GMCL1: variants seen among roughly 807,000 people sequenced by gnomAD.
GMCL1 encodes germ cell-less protein-like 1.
In GMCL1, 54 loss-of-function variants were observed where a neutral mutation model predicts 75.5. The ratio of observed to expected loss-of-function variants is 0.71; its 90% CI spans 0.57 to 0.90. GMCL1 has a LOEUF of 0.90. GMCL1 is among the 40% of genes least tolerant of loss of function. The probability of loss-of-function intolerance (pLI) is 0.00; values close to 1 mark genes in which losing one functional copy is unlikely to be tolerated. For synonymous variants in GMCL1, 210 were observed against 209.6 expected (o/e 1.00, Z -0.02); for missense variants, 537 against 622.7 (o/e 0.86, Z 1.47).
At chr2:69,859,041 G>C (rs1399056476) in intron 9 of GMCL1, among the ~76,000 whole-genome samples, 1 of 151,466 alleles carries the variant, frequency 6.6e-6, no homozygotes, top group African/African-American at 2.4e-5. Flanking sequence ...AGCTACTCGG[G>C]AGGCTGAGGC....
At chr2:69,865,045 T>C (rs1379265868) in intron 11 of GMCL1, 70 bp downstream of exon 11, 4 of 1,144,780 alleles carry the variant, frequency 3.5e-6, no homozygotes, top group African/African-American at 3.1e-5. Flanking sequence ...CACCTGTAAG[T>C]AGTAATCATG....
intron 12 of GMCL1, among the ~76,000 whole-genome samples, chr2:69,871,266 A>T (rs1215152716): frequency 6.6e-6 from 1 of 152,212 alleles, no homozygotes; most frequent in East Asian, 1.9e-4. Context: ...TAAGCCACTC[A>T]CAAAGCACAA....
At chr2:69,852,606 T>A (rs1675351192) in intron 8 of GMCL1, among the ~76,000 whole-genome samples, 1 of 152,036 alleles carries the variant, frequency 6.6e-6, no homozygotes, top group Non-Finnish European at 1.5e-5. Flanking sequence ...TGGTGCGATC[T>A]TGGCTCAGTG....
intron 1 of GMCL1, among the ~76,000 whole-genome samples, chr2:69,832,421 T>A (rs79478340): frequency 6.6e-6 from 1 of 152,168 alleles, no homozygotes; most frequent in Non-Finnish European, 1.5e-5. Flanking sequence ...TAACAAAATG[T>A]TCATCCTTCT....
intron 13 of GMCL1, 31 bp from the exon 14 acceptor site, chr2:69,878,878 T>C: frequency 1.4e-6 from 2 of 1,445,770 alleles, no homozygotes; most frequent in Non-Finnish European, 1.9e-6. Flanking sequence ...TTTTATCTAA[T>C]TGTCATTGAA....
chr2:69,865,385 C>T (rs921600477), intron 11 of GMCL1, among the ~76,000 whole-genome samples: 4 of 152,120 alleles, frequency 2.6e-5, no homozygotes, highest in Non-Finnish European at 5.9e-5. Flanking sequence ...CGGTGGCTCA[C>T]GCCTATAATC....
intron 2 of GMCL1, among the ~76,000 whole-genome samples, chr2:69,838,394 G>A (rs1287009050): frequency 7.6e-6 from 1 of 131,678 alleles, no homozygotes; most frequent in Non-Finnish European, 1.6e-5. Flanking sequence ...ATACAATGTT[G>A]CTCTAATGGC....
chr2:69,855,860 C>T (rs1272575714), intron 9 of GMCL1, among the ~76,000 whole-genome samples: 1 of 152,126 alleles, frequency 6.6e-6, no homozygotes, highest in Non-Finnish European at 1.5e-5. Flanking sequence ...ATGCCAAAGC[C>T]AATTACATAT....
chr2:69,836,644 T>G (rs1026003899), intron 1 of GMCL1, among the ~76,000 whole-genome samples: 1 of 152,206 alleles, frequency 6.6e-6, no homozygotes, highest in African/African-American at 2.4e-5. Flanking sequence ...GATTGAAGGT[T>G]TTATGTGCTA....
chr2:69,838,336 C>CAAAAA lies in GMCL1; in HGVS notation c.384+690_384+694dup, dbSNP rs71397366. 2.3e-3 allele frequency among the ~76,000 whole-genome samples: 74 copies of CAAAAA among 31,512 alleles called. 8 individuals are homozygous for CAAAAA. Among genetic ancestry groups the CAAAAA allele is most frequent in the African/African-American group, 7.1e-3 (67 of 9,430 alleles). The allele number at this position is 31,512 out of a possible 152,430, so 20.7% of individuals were successfully genotyped here. ...TGGGCAACAGAGCGAGACTCTGTCT[C>CAAAAA]AAAAAAAAAAAAAAAAAAAAAAAAA... On this transcript the variant is annotated intron_variant, in intron 2 of 13. Coordinates refer to ENST00000282570, the MANE Select transcript of GMCL1 (RefSeq NM_178439.5).
At chr2:69,854,493 G>C (rs912400306) in intron 8 of GMCL1, among the ~76,000 whole-genome samples, 2 of 152,114 alleles carry the variant, frequency 1.3e-5, no homozygotes, top group Admixed American at 1.3e-4. Context: ...GGTCTTGGGA[G>C]GGGGATTCTG....
At chr2:69,839,620 G>A in intron 3 of GMCL1, 67 bp downstream of exon 3, 8 of 1,044,178 alleles carry the variant, frequency 7.7e-6, no homozygotes, top group Non-Finnish European at 1.2e-5. Context: ...TCTGGTAGAA[G>A]ATAAATAATT....
In GMCL1 at chr2:69,843,392, TA is replaced by T. The variant is rs745817499; in HGVS notation, c.692+134del. ...ATAGGATAGGGGGATGGAATTTTAT[TA>T]AATAAAAAGCCCCTTTTAACTTTTG... On this transcript the variant is annotated intron_variant, in intron 5 of 13. Transcript: ENST00000282570. The T allele has an allele frequency of 8.3e-4, 461 of 558,362 alleles. 1 individual carries two copies. The highest frequency in any genetic ancestry group is 6.4e-4 in the Admixed American group (20 of 31,118). 34.6% of individuals were successfully genotyped at this position (558,362 alleles called of 1,614,324 possible).
intron 9 of GMCL1, among the ~76,000 whole-genome samples, chr2:69,860,805 A>G (rs1027196805): frequency 6.6e-6 from 1 of 152,200 alleles, no homozygotes; most frequent in Admixed American, 6.5e-5. Flanking sequence ...TTTGTAAAAT[A>G]TAAGCTACCT....
chr2:69,874,408 G>C (rs548655377), intron 13 of GMCL1, among the ~76,000 whole-genome samples: 7 of 152,112 alleles, frequency 4.6e-5, no homozygotes, highest in Non-Finnish European at 1.0e-4. Flanking sequence ...CTGTCGCCCA[G>C]GCTGGAGTGC....
Position 69,849,658 on chromosome 2 carries a change from T to C in GMCL1, c.850T>C (p.Phe284Leu), listed in dbSNP as rs746642884. 3.2e-6 allele frequency: 5 copies of C among 1,547,420 alleles called. No homozygotes were observed. In the Admixed American group the frequency reaches 7.8e-5, roughly 24 times the overall value. ...DIYTALKKWMFLQLVPSWNGS... is the reference protein window; with the variant it reads ...DIYTALKKWMLLQLVPSWNGS... ...TTAATTTTTTTTAACTTAGTGGATG[T>C]TCCTTCAACTTGTGCCTTCTTGGAA... Residue 284 changes from phenylalanine to leucine, a missense_variant, in exon 8 of 14, where the codon TTC becomes CTC. By Grantham distance (22) the Phe-to-Leu change is conservative (BLOSUM62 0). Coordinates refer to ENST00000282570, the MANE Select transcript of GMCL1 (RefSeq NM_178439.5).
In GMCL1 at chr2:69,859,742, T is replaced by TAAAAAAAAAAAAAAAAAAAAAAAAAAA. The variant is rs1207817401; in HGVS notation, c.1073-1520_1073-1519insAAAAAAAAAAAAAAAAAAAAAAAAAAA. ...GAGTGAGACCGTGTCTCTCTCTCTC[T>TAAAAAAAAAAAAAAAAAAAAAAAAAAA]AAAAAAAAAAAAAAAAGTATATATG... is the stretch of plus-strand genomic sequence containing the variant. On this transcript the variant is annotated intron_variant, in intron 9 of 13. Transcript: ENST00000282570. 6.3e-5 allele frequency among the ~76,000 whole-genome samples: 5 copies of TAAAAAAAAAAAAAAAAAAAAAAAAAAA among 79,096 alleles called. 1 individual carries two copies. Among genetic ancestry groups the TAAAAAAAAAAAAAAAAAAAAAAAAAAA allele is most frequent in the Non-Finnish European group, 9.1e-5 (4 of 43,878 alleles). 51.9% of individuals were successfully genotyped at this position (79,096 alleles called of 152,430 possible).
In GMCL1 at chr2:69,829,706, C is replaced by T. The variant is rs1228962216; in HGVS notation, c.-187C>T. ...GGCGAGGTGCTGCGGTGCTAGAGCG[C>T]GGCGCGACCGGACGCTGCGGGCGGG... On this transcript the variant is annotated 5_prime_UTR_variant, in exon 1 of 14. Coordinates refer to ENST00000282570, the MANE Select transcript of GMCL1 (RefSeq NM_178439.5). 4.6e-6 allele frequency: 3 copies of T among 646,248 alleles called. No individual in the cohort carries two copies. Among genetic ancestry groups the T allele is most frequent in the East Asian group, 3.0e-5 (1 of 32,884 alleles). The allele number at this position is 646,248 out of a possible 1,614,324, so 40.0% of individuals were successfully genotyped here. A position where few individuals can be genotyped will look rare whatever the true frequency, so the allele number is the denominator to read the frequency against.
At chr2:69,857,073 G>A (rs1021387092) in intron 9 of GMCL1, among the ~76,000 whole-genome samples, 1 of 152,118 alleles carries the variant, frequency 6.6e-6, no homozygotes, top group African/African-American at 2.4e-5. Context: ...CAGAAACCTG[G>A]TAGTTTTCAG....
Sources: gnomAD v4.1 joint callset for allele counts (sites outside exome capture counted in the v4.1 genomes callset) on GRCh38, gnomAD v4.1.1 for gene constraint, MANE v1.5 for transcripts, NCBI Gene and HGNC (gene_info 2026-07-23, HGNC 2026-07-21) for gene names.